RALGAPA1: variants seen among roughly 807,000 people sequenced by gnomAD.
The protein encoded by RALGAPA1 is ral GTPase-activating protein subunit alpha-1.
A neutral mutation model predicts 269.6 loss-of-function variants in RALGAPA1; 52 were observed. The observed-to-expected ratio is 0.19, with a 90% CI of 0.15 to 0.24. The LOEUF is 0.24. Ranked by LOEUF, RALGAPA1 falls within the 10% of genes least tolerant of loss-of-function variation. The pLI, the probability that RALGAPA1 is intolerant of heterozygous loss-of-function variation, is 1.00. For missense variants in RALGAPA1, 1,917 were observed against 3,013.9 expected, an observed-to-expected ratio of 0.64 and a Z score of 8.52; for synonymous variants, 817 against 1,008.3, an observed-to-expected ratio of 0.81 and a Z score of 3.60.
intron 11 of RALGAPA1, among the ~76,000 whole-genome samples, chr14:35,739,581 C>T (rs1715773327): frequency 6.6e-6 from 1 of 152,170 alleles, no homozygotes; most frequent in Non-Finnish European, 1.5e-5. Context: ...CTGCCTTAGC[C>T]ATCACCAAAC....
chr14:35,783,623 G>A (rs1432953875), intron 1 of RALGAPA1, among the ~76,000 whole-genome samples: 1 of 152,144 alleles, frequency 6.6e-6, no homozygotes, highest in Non-Finnish European at 1.5e-5. Flanking sequence ...TCAAGAAAAT[G>A]AGAAAATAAC....
chr14:35,674,723 T>A lies in RALGAPA1; in HGVS notation c.4625-14A>T. On this transcript the variant is annotated splice_polypyrimidine_tract_variant and intron_variant, in intron 22 of 41. Transcript: ENST00000680220. The stretch of plus-strand genomic sequence containing the variant: ...ATTCACTAATTTCTATAGAAAAAAA[T>A]ATATAGTGTCAGCCATTTTTCAGTG... 1 of 1,435,044 alleles carries A rather than the reference T, an allele frequency of 7.0e-7. No individual in the cohort carries two copies. The highest frequency in any genetic ancestry group is 9.6e-7 in the Non-Finnish European group (1 of 1,038,346). 88.9% of individuals were successfully genotyped at this position (1,435,044 alleles called of 1,614,324 possible).
chr14:35,634,747 C>G lies in RALGAPA1; in HGVS notation c.5822G>C (p.Gly1941Ala). Residue 1941 changes from glycine to alanine, a missense_variant, in exon 33 of 42, where the codon GGG becomes GCG. Gly to Ala is a moderately conservative substitution (Grantham distance 60). Transcript: ENST00000680220. ...AAAACACTGAGCTCCATAAACACAC[C>G]CATGTAAAACCTGAAAATACAGGGG... Reference protein sequence around the residue: ...VLNCIYKVLHGCVYGAQCFSN... With the variant: ...VLNCIYKVLHACVYGAQCFSN... 6.3e-7 allele frequency: 1 copy of G among 1,596,566 alleles called. No individual in the cohort carries two copies. The highest frequency in any genetic ancestry group is 8.5e-7 in the Non-Finnish European group (1 of 1,172,456).
At chr14:35,718,031 G>A (rs765187561) in intron 16 of RALGAPA1, among the ~76,000 whole-genome samples, 1 of 152,022 alleles carries the variant, frequency 6.6e-6, no homozygotes, top group Non-Finnish European at 1.5e-5. Context: ...CTCCATTCAG[G>A]TCTTTGTTCT....
chr14:35,760,175 G>A (rs1268390722), intron 6 of RALGAPA1, among the ~76,000 whole-genome samples: 6 of 152,138 alleles, frequency 3.9e-5, no homozygotes, highest in African/African-American at 4.8e-5. Context: ...AATGAAAAAT[G>A]TTAAATGATC....
intron 27 of RALGAPA1, among the ~76,000 whole-genome samples, chr14:35,664,206 C>T (rs2063756463): frequency 6.6e-6 from 1 of 152,148 alleles, no homozygotes. Context: ...ATGGGATCTC[C>T]ATCCCAACTC....
chr14:35,705,833 G>A (rs960210330), intron 16 of RALGAPA1, among the ~76,000 whole-genome samples: 1 of 152,048 alleles, frequency 6.6e-6, no homozygotes. Context: ...TCAGTGTTTT[G>A]GATTTTAGCC....
intron 37 of RALGAPA1, among the ~76,000 whole-genome samples, chr14:35,576,979 T>A (rs778368389): frequency 8.5e-5 from 13 of 152,204 alleles, no homozygotes; most frequent in African/African-American, 3.1e-4. Flanking sequence ...AACAAGCAAC[T>A]TAGTTAAATG....
At chr14:35,621,197 A>T (rs560773852) in intron 35 of RALGAPA1, among the ~76,000 whole-genome samples, 1 of 152,328 alleles carries the variant, frequency 6.6e-6, no homozygotes, top group South Asian at 2.1e-4. Context: ...GAGCCCTCAG[A>T]AATAATACCA....
intron 12 of RALGAPA1, among the ~76,000 whole-genome samples, chr14:35,729,923 C>T (rs759587021): frequency 4.6e-5 from 7 of 152,094 alleles, no homozygotes; most frequent in Non-Finnish European, 8.8e-5. Flanking sequence ...GACAGAGCAG[C>T]GTGTGGAGGC....
chr14:35,688,581 A>C lies in RALGAPA1; in HGVS notation c.3830T>G (p.Val1277Gly), dbSNP rs1224929098. 4 of 1,536,052 alleles carry C rather than the reference A, an allele frequency of 2.6e-6. No homozygotes were observed. The highest frequency in any genetic ancestry group is 3.5e-6 in the Non-Finnish European group (4 of 1,146,860). ...GSLGGVYKTV[V>G]HALSKPKANV... The stretch of plus-strand genomic sequence containing the variant: ...TGCCTTCGGCTTCGAAAGAGCATGT[A>C]CAACAGTTTTATAAACGCCACCCAG... The change falls in exon 18 of 42, where the codon GTA (valine) becomes GGA (glycine). Residue 1277 changes from valine (V) to glycine (G), a missense_variant. Physicochemically the swap from Val to Gly is moderately radical, Grantham distance 109. Around this residue, in one of 11 missense-constraint regions of RALGAPA1, gnomAD observed 615 missense variants for 790.0 expected, o/e 0.78. Coordinates refer to ENST00000680220, the MANE Select transcript of RALGAPA1 (RefSeq NM_001346249.2).
chr14:35,745,814 GT>G (rs1382256223), intron 10 of RALGAPA1, among the ~76,000 whole-genome samples: 3 of 148,528 alleles, frequency 2.0e-5, no homozygotes, highest in Non-Finnish European at 4.4e-5. Flanking sequence ...GCCAGGCACA[GT>G]GGCTCATGCC....
intron 35 of RALGAPA1, among the ~76,000 whole-genome samples, chr14:35,617,617 C>CTGTGTG (rs1207651423): frequency 1.3e-5 from 1 of 77,502 alleles, no homozygotes; most frequent in Non-Finnish European, 2.4e-5. Context: ...AAACTCCATC[C>CTGTGTG]TGTGTGTGTG....
At chr14:35,550,401 C>T (rs896638837) in intron 39 of RALGAPA1, among the ~76,000 whole-genome samples, 1 of 151,976 alleles carries the variant, frequency 6.6e-6, no homozygotes, top group African/African-American at 2.4e-5. Context: ...CTGAATTTTT[C>T]CCCAAAGTCC....
chr14:35,682,201 C>T (rs1288640227), intron 21 of RALGAPA1, among the ~76,000 whole-genome samples: 4 of 152,094 alleles, frequency 2.6e-5, no homozygotes, highest in East Asian at 3.9e-4. Flanking sequence ...AAAGTTACTG[C>T]CATATTTTCC....
chr14:35,752,006 A>T lies in RALGAPA1; in HGVS notation c.802+18T>A. 6.4e-7 allele frequency: 1 copy of T among 1,566,098 alleles called. No homozygotes were observed. Among genetic ancestry groups the T allele is most frequent in the South Asian group, 1.2e-5 (1 of 83,410 alleles). ...ACTCTTAAGTGTGATCTTTCAGAAA[A>T]TTTCAAACATTACCTACCAAGTATA... On this transcript the variant is annotated intron_variant, in intron 8 of 41. Coordinates refer to ENST00000680220, the MANE Select transcript of RALGAPA1 (RefSeq NM_001346249.2).
chr14:35,541,678 T>C, intron 41 of RALGAPA1: 1 of 455,920 alleles, frequency 2.2e-6, no homozygotes, highest in Non-Finnish European at 4.4e-6. Context: ...TAGTAGCTCA[T>C]GCTTTTCTGG....
chr14:35,548,614 T>C, intron 40 of RALGAPA1, 76 bp from the exon 41 acceptor site: 1 of 976,420 alleles, frequency 1.0e-6, no homozygotes, highest in Middle Eastern at 2.6e-4. Context: ...GAGTCATTTA[T>C]TTTCTTACTG....
chr14:35,665,212 G>A (rs1037915244), intron 26 of RALGAPA1, among the ~76,000 whole-genome samples: 1 of 152,124 alleles, frequency 6.6e-6, no homozygotes, highest in Non-Finnish European at 1.5e-5. Flanking sequence ...CAATCTAGAT[G>A]GCTTTTATGA....
Sources: gnomAD v4.1 joint callset for allele counts (sites outside exome capture counted in the v4.1 genomes callset) on GRCh38, gnomAD v4.1.1 for gene constraint, gnomAD v4.1.1 regional missense constraint, MANE v1.5 for transcripts, NCBI Gene and HGNC (gene_info 2026-07-23, HGNC 2026-07-21) for gene names.